The following GRM7 variants were observed in gnomAD, a reference collection of about 807,000 sequenced individuals.
GRM7 encodes glutamate metabotropic receptor 7.
Under a neutral mutation model 84.5 loss-of-function variants are expected in GRM7, and 35 were observed. The observed-to-expected ratio is 0.41, with a 90% CI of 0.32 to 0.55. GRM7 has a LOEUF of 0.55. GRM7 is among the 20% of genes least tolerant of loss of function. GRM7 has a pLI of 0.19. For synonymous variants in GRM7, 487 were observed against 455.1 expected (o/e 1.07, Z -0.89); for missense variants, 1,003 against 1,194.6 (o/e 0.84, Z 2.36).
At chr3:7,538,113 T>C (rs913342500) in intron 7 of GRM7, among the ~76,000 whole-genome samples, 1 of 152,180 alleles carries the variant, frequency 6.6e-6, no homozygotes, top group Non-Finnish European at 1.5e-5. Flanking sequence ...ATTTTATTTT[T>C]ATTATTATTT....
chr3:7,165,701 C>G (rs1694778428), intron 2 of GRM7, among the ~76,000 whole-genome samples: 1 of 152,168 alleles, frequency 6.6e-6, no homozygotes, highest in Non-Finnish European at 1.5e-5. Flanking sequence ...TAGGACAAGT[C>G]TCTTCAGGAG....
chr3:7,475,555 G>A (rs1407531608), intron 7 of GRM7, among the ~76,000 whole-genome samples: 2 of 152,132 alleles, frequency 1.3e-5, no homozygotes, highest in Non-Finnish European at 2.9e-5. Context: ...TCAGGAGTCT[G>A]GGGAGAAGGA....
At chr3:6,889,269 T>C (rs1431250791) in intron 1 of GRM7, among the ~76,000 whole-genome samples, 4 of 152,168 alleles carry the variant, frequency 2.6e-5, no homozygotes, top group Non-Finnish European at 5.9e-5. Flanking sequence ...CAACACTATA[T>C]TGAATAGGAG....
At chr3:7,259,398 C>A (rs759153207) in intron 2 of GRM7, among the ~76,000 whole-genome samples, 1 of 152,142 alleles carries the variant, frequency 6.6e-6, no homozygotes, top group Non-Finnish European at 1.5e-5. Flanking sequence ...AAGCCTAGTA[C>A]ACAATAGTTA....
chr3:7,669,914 C>G (rs2125131317), intron 8 of GRM7, among the ~76,000 whole-genome samples: 1 of 147,096 alleles, frequency 6.8e-6, no homozygotes, highest in African/African-American at 2.7e-5. Context: ...ACACTTTTGT[C>G]AACAGTGCAA....
chr3:7,614,053 A>G (rs1696967404), intron 8 of GRM7, among the ~76,000 whole-genome samples: 1 of 152,206 alleles, frequency 6.6e-6, no homozygotes, highest in Admixed American at 6.5e-5. Context: ...CATCTGAGGT[A>G]AGGAGTTGGA....
intron 4 of GRM7, 78 bp from the exon 5 acceptor site, chr3:7,414,945 A>G (rs1696099108): frequency 8.0e-7 from 1 of 1,253,302 alleles, no homozygotes; most frequent in South Asian, 1.6e-5. Flanking sequence ...AAAGAAAAAA[A>G]AAGTCACTTT....
At chr3:7,599,294 T>G (rs780466880) in intron 8 of GRM7, among the ~76,000 whole-genome samples, 1 of 152,212 alleles carries the variant, frequency 6.6e-6, no homozygotes, top group Non-Finnish European at 1.5e-5. Context: ...ACTGTGAATT[T>G]TAAATATCTT....
intron 4 of GRM7, among the ~76,000 whole-genome samples, chr3:7,370,972 G>T (rs1319525661): frequency 6.6e-6 from 1 of 152,150 alleles, no homozygotes; most frequent in African/African-American, 2.4e-5. Flanking sequence ...GATTTTAGGA[G>T]CCTGATTTGT....
At chr3:7,732,876 T>C (rs1702379058) in intron 9 of GRM7, among the ~76,000 whole-genome samples, 1 of 152,186 alleles carries the variant, frequency 6.6e-6, no homozygotes, top group Admixed American at 6.5e-5. Context: ...GGCTATTCCA[T>C]AGGCAGAGCA....
chr3:7,035,872 G>A (rs1424921503), intron 1 of GRM7, among the ~76,000 whole-genome samples: 46 of 152,230 alleles, frequency 3.0e-4, no homozygotes, highest in Admixed American at 2.9e-3. Flanking sequence ...AGACACAAAT[G>A]TGGCTTAAAC....
chr3:7,357,693 C>T (rs1693471619), intron 4 of GRM7, among the ~76,000 whole-genome samples: 1 of 152,166 alleles, frequency 6.6e-6, no homozygotes, highest in Non-Finnish European at 1.5e-5. Flanking sequence ...CCTTGCAGCT[C>T]ATCACATTCC....
At chr3:7,386,108 C>G (rs1694777107) in intron 4 of GRM7, among the ~76,000 whole-genome samples, 1 of 152,034 alleles carries the variant, frequency 6.6e-6, no homozygotes, top group African/African-American at 2.4e-5. Context: ...CCATGCAAGC[C>G]AAAATAATGA....
intron 1 of GRM7, among the ~76,000 whole-genome samples, chr3:6,972,459 T>A (rs1393307464): frequency 6.6e-6 from 1 of 152,156 alleles, no homozygotes; most frequent in East Asian, 1.9e-4. Flanking sequence ...ATGATACAAA[T>A]CATGTGAGGT....
At chr3:6,872,997 C>T (rs1246341502) in intron 1 of GRM7, among the ~76,000 whole-genome samples, 1 of 152,114 alleles carries the variant, frequency 6.6e-6, no homozygotes, top group African/African-American at 2.4e-5. Context: ...ATTGCTGGGT[C>T]AAATGGTATT....
At chr3:7,655,144 T>G (rs1455418697) in intron 8 of GRM7, among the ~76,000 whole-genome samples, 1 of 152,168 alleles carries the variant, frequency 6.6e-6, no homozygotes, top group Non-Finnish European at 1.5e-5. Context: ...CAAAGAAAAG[T>G]AGAAAAACAG....
intron 9 of GRM7, chr3:7,680,498 C>T: frequency 1.8e-6 from 1 of 570,988 alleles, no homozygotes; most frequent in Non-Finnish European, 3.1e-6. Flanking sequence ...TGGAAAGAAG[C>T]TTTTGGAGGC....
chr3:7,327,959 T>G (rs191906093), intron 4 of GRM7, among the ~76,000 whole-genome samples: 1 of 152,276 alleles, frequency 6.6e-6, no homozygotes, highest in Admixed American at 6.5e-5. Context: ...TACTTCTTTG[T>G]GTAGATGAGG....
At chr3:6,970,843 G>C (rs565574753) in intron 1 of GRM7, among the ~76,000 whole-genome samples, 1 of 152,094 alleles carries the variant, frequency 6.6e-6, no homozygotes, top group Non-Finnish European at 1.5e-5. Flanking sequence ...TTAGCCGGGC[G>C]TGGTGGCGGG....
Sources: allele counts gnomAD v4.1 joint callset (sites outside exome capture counted in the v4.1 genomes callset), GRCh38; gene constraint gnomAD v4.1.1; transcripts MANE v1.5; gene names NCBI Gene and HGNC (gene_info 2026-07-23, HGNC 2026-07-21).